Variants in FNIP2 observed in about 807,000 individuals in gnomAD.
The protein encoded by FNIP2 is folliculin-interacting protein 2.
In FNIP2, 32 loss-of-function variants were observed where a neutral mutation model predicts 108.7. The observed-to-expected ratio is 0.29, with a 90% confidence interval of 0.22 to 0.40. The LOEUF (loss-of-function observed/expected upper bound fraction) is 0.40, where lower values mean the gene tolerates loss of function less well. Among genes scored for constraint, FNIP2 ranks in the 10% least tolerant of loss-of-function variants. The probability of loss-of-function intolerance (pLI) is 1.00; values close to 1 mark genes in which losing one functional copy is unlikely to be tolerated. For synonymous variants in FNIP2, 480 were observed against 496.7 expected, an observed-to-expected ratio of 0.97 and a Z score of 0.45; for missense variants, 1,202 against 1,381.6, an observed-to-expected ratio of 0.87 and a Z score of 2.06.
intron 1 of FNIP2, among the ~76,000 whole-genome samples, chr4:158,823,446 A>G (rs994437934): frequency 2.0e-5 from 3 of 152,064 alleles, no homozygotes; most frequent in Admixed American, 6.6e-5. Context: ...TTGTATTTTT[A>G]GTAGAGATGG....
intron 1 of FNIP2, among the ~76,000 whole-genome samples, chr4:158,780,087 G>T (rs1336557920): frequency 6.6e-6 from 1 of 151,992 alleles, no homozygotes; most frequent in African/African-American, 2.4e-5. Context: ...ACATGCCTGT[G>T]GTTATAGCTA....
chr4:158,900,984 T>C (rs1483758327), intron 16 of FNIP2, among the ~76,000 whole-genome samples: 5 of 152,162 alleles, frequency 3.3e-5, no homozygotes, highest in Non-Finnish European at 5.9e-5. Context: ...GCTTTTTCCT[T>C]TCCATGTAGT....
At chr4:158,862,683 A>G (rs1200006679) in intron 12 of FNIP2, among the ~76,000 whole-genome samples, 1 of 152,236 alleles carries the variant, frequency 6.6e-6, no homozygotes, top group Non-Finnish European at 1.5e-5. Context: ...GTTTGGGGTG[A>G]TGGATATGCT....
Position 158,817,299 on chromosome 4 carries a change from T to C in FNIP2, c.108-8617T>C, listed in dbSNP as rs190864601. 3.6e-4 allele frequency among the ~76,000 whole-genome samples: 55 copies of C among 152,380 alleles called. No homozygotes were observed. In the East Asian group the frequency reaches 8.5e-3, roughly 23 times the overall value. On this transcript the variant is annotated intron_variant, in intron 1 of 16. Transcript: ENST00000264433. ...TTTTGTGAGCACCTTTTGAAAGTTC[T>C]GTTGATTAGAGTTGTGTTGATATTA...
intron 15 of FNIP2, among the ~76,000 whole-genome samples, chr4:158,895,525 A>T (rs1011275431): frequency 6.6e-6 from 1 of 152,264 alleles, no homozygotes; most frequent in East Asian, 1.9e-4. Flanking sequence ...AGAATAATAC[A>T]TATGTAAATC....
intron 8 of FNIP2, among the ~76,000 whole-genome samples, chr4:158,855,422 C>A (rs181675640): frequency 6.6e-6 from 1 of 151,968 alleles, no homozygotes; most frequent in Non-Finnish European, 1.5e-5. Context: ...GTGTGGCAGA[C>A]GTTTTGAATT....
intron 9 of FNIP2, 126 bp from the exon 10 acceptor site, chr4:158,859,452 G>A (rs898517026): frequency 3.1e-5 from 32 of 1,028,834 alleles, no homozygotes; most frequent in South Asian, 6.5e-5. Flanking sequence ...CTGCTTTTTC[G>A]TGACTGAAGG....
intron 3 of FNIP2, among the ~76,000 whole-genome samples, chr4:158,829,828 T>C (rs1326768655): frequency 6.6e-6 from 1 of 152,072 alleles, no homozygotes; most frequent in Non-Finnish European, 1.5e-5. Flanking sequence ...CAAAAGAATA[T>C]TAATTGATGG....
chr4:158,886,609 C>T (rs559123156), intron 14 of FNIP2, among the ~76,000 whole-genome samples: 5 of 152,290 alleles, frequency 3.3e-5, no homozygotes, highest in African/African-American at 1.2e-4. Flanking sequence ...TATCGCAGAT[C>T]CATTCTAATA....
intron 1 of FNIP2, among the ~76,000 whole-genome samples, chr4:158,789,636 A>T (rs1429993653): frequency 6.6e-6 from 1 of 152,228 alleles, no homozygotes; most frequent in Admixed American, 6.5e-5. Flanking sequence ...AATGAATAAG[A>T]TAACACCCTG....
Position 158,859,097 on chromosome 4 carries a change from A to G in FNIP2, c.898A>G (p.Ser300Gly). ...ATTCAGCTTGGCTGAAGAAACCTGT[A>G]GCTCTAATCCAGCTATGGTTAGGAG... ...ETFSLAEETC[S>G]SNPAMVRRKK... Residue 300 changes from serine to glycine, a missense_variant, in exon 9 of 17, where the codon AGC (serine) becomes GGC (glycine). By Grantham distance (56) the Ser-to-Gly change is moderately conservative. This residue lies in a region of FNIP2 where 878 missense variants were observed against 990.3 expected (regional missense o/e 0.89). Coordinates refer to ENST00000264433, the MANE Select transcript of FNIP2 (RefSeq NM_020840.3). 1 of 1,614,016 alleles carries G rather than the reference A, an allele frequency of 6.2e-7. No individual in the cohort carries two copies. The highest frequency in any genetic ancestry group is 8.5e-7 in the Non-Finnish European group (1 of 1,179,868).
At chr4:158,866,311 C>T (rs1320108388) in intron 12 of FNIP2, among the ~76,000 whole-genome samples, 8 of 128,510 alleles carry the variant, frequency 6.2e-5, no homozygotes, top group East Asian at 2.6e-4. Context: ...CTCTGCCTCC[C>T]GGGCTCAAGC....
At chr4:158,769,533 C>T (rs1775622518) in intron 1 of FNIP2, among the ~76,000 whole-genome samples, 1 of 152,210 alleles carries the variant, frequency 6.6e-6, no homozygotes, top group African/African-American at 2.4e-5. Flanking sequence ...CTCCACAACT[C>T]AGGGTCCTTC....
intron 7 of FNIP2, among the ~76,000 whole-genome samples, chr4:158,848,403 A>G (rs1449189663): frequency 6.6e-6 from 1 of 152,228 alleles, no homozygotes; most frequent in Non-Finnish European, 1.5e-5. Context: ...AGGGGAGCAC[A>G]GTGTCAGCTG....
At chr4:158,885,105 G>A (rs191098830) in intron 14 of FNIP2, among the ~76,000 whole-genome samples, 96 of 152,190 alleles carry the variant, frequency 6.3e-4, no homozygotes, top group African/African-American at 2.3e-3. Context: ...GCAGTGAGCC[G>A]AGATTGTGCC....
intron 1 of FNIP2, among the ~76,000 whole-genome samples, chr4:158,799,101 C>T (rs1213304196): frequency 6.6e-6 from 1 of 152,158 alleles, no homozygotes; most frequent in African/African-American, 2.4e-5. Context: ...AAGGTTTTAC[C>T]TTCATGCCCA....
At chr4:158,812,918 A>AACC (rs1383077655) in intron 1 of FNIP2, among the ~76,000 whole-genome samples, 2 of 151,352 alleles carry the variant, frequency 1.3e-5, no homozygotes, top group African/African-American at 4.9e-5. Context: ...AACCCCAGGC[A>AACC]ACCACTTGTC....
intron 2 of FNIP2, 119 bp from the exon 3 acceptor site, chr4:158,828,960 C>G: frequency 1.3e-6 from 1 of 795,684 alleles, no homozygotes; most frequent in South Asian, 2.4e-5. Flanking sequence ...AAAAAAGCTT[C>G]TGTTTTTTAA....
At chr4:158,833,197 G>A (rs1474935258) in intron 5 of FNIP2, among the ~76,000 whole-genome samples, 1 of 152,150 alleles carries the variant, frequency 6.6e-6, no homozygotes, top group Non-Finnish European at 1.5e-5. Context: ...AAAGCAAAAT[G>A]TAGAAATGAA....
Sources: gnomAD v4.1 joint callset for allele counts (sites outside exome capture counted in the v4.1 genomes callset) on GRCh38, gnomAD v4.1.1 for gene constraint, gnomAD v4.1.1 regional missense constraint, MANE v1.5 for transcripts, NCBI Gene and HGNC (gene_info 2026-07-23, HGNC 2026-07-21) for gene names.